FUZ: variants seen among roughly 807,000 people sequenced by gnomAD.
The protein encoded by FUZ is fuzzy planar cell polarity protein, also known as protein fuzzy homolog.
FUZ carries 31 observed loss-of-function variants against 43.1 expected under a neutral mutation model. The observed-to-expected ratio is 0.72, with a 90% CI of 0.54 to 0.97. The LOEUF (loss-of-function observed/expected upper bound fraction) is 0.97. Among genes scored for constraint, FUZ ranks in the 50% least tolerant of loss-of-function variants. The probability of loss-of-function intolerance (pLI) is 0.00; values close to 1 mark genes in which losing one functional copy is unlikely to be tolerated. For synonymous variants in FUZ, 274 were observed against 250.0 expected (o/e 1.10, Z -0.91); for missense variants, 539 against 543.8 (o/e 0.99, Z 0.09).
chr19:49,809,419 C>A lies in FUZ; in HGVS notation c.649G>T (p.Ala217Ser), dbSNP rs1291506032. ...WLVGSLPPQT[A>S]RDYPVYLPHG... Reference sequence around the variant, plus strand: ...GGCAGGTACACCGGGTAGTCGCGAGCGGTCTGCGGCGGCAGGGACCCCACC... The same window carrying A: ...GGCAGGTACACCGGGTAGTCGCGAGAGGTCTGCGGCGGCAGGGACCCCACC... The change falls in exon 6 of 11, where the codon GCT becomes TCT. Residue 217 changes from alanine (A) to serine (S), a missense_variant. Coordinates refer to ENST00000313777, the MANE Select transcript of FUZ (RefSeq NM_025129.5). The surrounding 1 kb of genome is among the most constrained non-coding windows in gnomAD (Gnocchi z 5.1). The A allele has an allele frequency of 3.2e-6, 5 of 1,543,112 alleles. No individual in the cohort carries two copies. The highest frequency in any genetic ancestry group is 4.4e-6 in the Non-Finnish European group (5 of 1,146,976).
Position 49,809,754 on chromosome 19 carries a change from C to T in FUZ, c.493-179G>A. 1.1e-5 allele frequency: 7 copies of T among 654,392 alleles called. No homozygotes were observed. In the South Asian group the frequency reaches 1.2e-4, roughly 12 times the overall value. 40.5% of individuals were successfully genotyped at this position (654,392 alleles called of 1,614,324 possible). A position where few individuals can be genotyped will look rare whatever the true frequency, so the allele number is the denominator to read the frequency against. ...GTTCCTTCACTTTCATACGAAGTCA[C>T]ATCCCCAACTCACACTGTGAAGTCT... On this transcript the variant is annotated intron_variant, in intron 5 of 10. Coordinates refer to ENST00000313777, the MANE Select transcript of FUZ (RefSeq NM_025129.5). This position sits in a 1 kb window ranked among gnomAD's most constrained non-coding sequence, Gnocchi z 5.1.
At chr19:49,811,222 A>C in intron 5 of FUZ, 141 bp downstream of exon 5, 1 of 700,190 alleles carries the variant, frequency 1.4e-6, no homozygotes. Context: ...AAGAAAAAAG[A>C]TTCTTCTGGG....
chr19:49,811,207 AAAAAAAG>A (rs1009538929), intron 5 of FUZ, 149 bp downstream of exon 5: 6 of 691,512 alleles, frequency 8.7e-6, no homozygotes, highest in African/African-American at 7.2e-5. Flanking sequence ...AAAAGAAAAA[AAAAAAAG>A]AAAAAAGATT....
chr19:49,813,100 C>T lies in FUZ; in HGVS notation c.7G>A (p.Glu3Lys). MG[E>K]EGTGGTVHLL... ...TGCACAGTGCCGCCCGTCCCCTCCTCCCCCATTTAGGACTCCCACCGCGGT... is the reference window on the plus strand; with the variant it reads ...TGCACAGTGCCGCCCGTCCCCTCCTTCCCCATTTAGGACTCCCACCGCGGT... Residue 3 changes from glutamate (E) to lysine (K), a missense_variant, in exon 1 of 11, where the codon GAG (glutamate) becomes AAG (lysine). Glu to Lys is a moderately conservative substitution (Grantham distance 56). Coordinates refer to ENST00000313777, the MANE Select transcript of FUZ (RefSeq NM_025129.5). The T allele has an allele frequency of 1.3e-6, 2 of 1,551,164 alleles. No homozygotes were observed. The highest frequency in any genetic ancestry group is 1.7e-6 in the Non-Finnish European group (2 of 1,146,814).
At position 49,812,718 on chromosome 19, in the gene FUZ, C is replaced by A. The variant is rs200152452; in HGVS notation, c.130G>T (p.Gly44Cys). 1.2e-6 allele frequency: 2 copies of A among 1,614,030 alleles called. No homozygotes were observed. The highest frequency in any genetic ancestry group is 1.7e-5 in the Admixed American group (1 of 60,020). Residue 44 changes from glycine to cysteine, a missense_variant, in exon 2 of 11, where the codon GGT becomes TGT. Transcript: ENST00000313777. ...ARQQLPFSVI[G>C]SLNGVHMFGQ... ...AACATGTGGACTCCATTGAGGGAACCGATGACAGAGAACGGGAGCTAAGGA... is the reference window on the plus strand; with the variant it reads ...AACATGTGGACTCCATTGAGGGAACAGATGACAGAGAACGGGAGCTAAGGA...
At chr19:49,810,747 G>C (rs1056102275) in intron 5 of FUZ, among the ~76,000 whole-genome samples, 1 of 151,938 alleles carries the variant, frequency 6.6e-6, no homozygotes, top group Non-Finnish European at 1.5e-5. Context: ...CTACTGGGGA[G>C]GCTGAGATGA....
intron 5 of FUZ, 178 bp downstream of exon 5, chr19:49,811,185 A>C: frequency 4.5e-6 from 3 of 668,874 alleles, no homozygotes; most frequent in South Asian, 3.4e-5. Context: ...AAAAAAGAAA[A>C]GAAAGAGAAA....
chr19:49,811,304 T>C, intron 5 of FUZ, 59 bp downstream of exon 5: 1 of 1,191,026 alleles, frequency 8.4e-7, no homozygotes. Context: ...AGAAAGAGGA[T>C]GAGGACTGAG....
chr19:49,808,978 C>T (rs2073598389), intron 7 of FUZ, 155 bp from the exon 8 acceptor site: 2 of 861,500 alleles, frequency 2.3e-6, no homozygotes, highest in South Asian at 1.4e-5. Flanking sequence ...GGGGAAGGGG[C>T]GAGGCCTGGA....
Position 49,808,544 on chromosome 19 carries a change from ACCCCTGCCCCTG to A in FUZ, c.958+18_958+29del. ...CGCCTCCCCGGCCCACGCCCCTCCT[ACCCCTGCCCCTG>A]CCCCTGTCCTCAGTCACCTTTATCC... On this transcript the variant is annotated intron_variant, in intron 9 of 10. Coordinates refer to ENST00000313777, the MANE Select transcript of FUZ (RefSeq NM_025129.5). The A allele has an allele frequency of 1.3e-6, 2 of 1,591,306 alleles. No homozygotes were observed. The highest frequency in any genetic ancestry group is 1.7e-6 in the Non-Finnish European group (2 of 1,169,004).
In FUZ at chr19:49,806,978, C is replaced by G. The variant is rs1212118149; in HGVS notation, c.*173G>C. On this transcript the variant is annotated 3_prime_UTR_variant, in exon 11 of 11. Coordinates refer to ENST00000313777, the MANE Select transcript of FUZ (RefSeq NM_025129.5). ...GAGTCCCCCTCCCTCCCTTTCCCCC[C>G]CAAGCACAGAGGGGAGAGGGGCCAG... The G allele has an allele frequency of 3.3e-6, 5 of 1,530,528 alleles. No individual in the cohort carries two copies. Among genetic ancestry groups the G allele is most frequent in the East Asian group, 4.9e-5 (2 of 40,740 alleles). The allele number at this position is 1,530,528 out of a possible 1,614,324, so 94.8% of individuals were successfully genotyped here.
rs531337412 is a variant in FUZ at position 49,811,153 on chromosome 19, A to G, written c.492+210T>C. ...GCAACAAGAGTGAAACTACGTCTCA[A>G]ATAAAAAGAGAGAAAGAAAAGAAAA... On this transcript the variant is annotated intron_variant, in intron 5 of 10. Transcript: ENST00000313777. 258 of 636,046 alleles carry G rather than the reference A, an allele frequency of 4.1e-4. 1 individual carries two copies. The South Asian group carries it at 4.2e-3, about 10-fold the overall frequency. The allele number at this position is 636,046 out of a possible 1,614,324, so 39.4% of individuals were successfully genotyped here.
rs1460611564 is a variant in FUZ at position 49,812,892 on chromosome 19, C to A, written c.111+104G>T. On this transcript the variant is annotated intron_variant, in intron 1 of 10. Coordinates refer to ENST00000313777, the MANE Select transcript of FUZ (RefSeq NM_025129.5). ...TTATTGGTCCATTGCCTCCTCGGTC[C>A]TACAAATTCAACACTGAAACTTCCC... 15 of 1,347,542 alleles carry A rather than the reference C, an allele frequency of 1.1e-5. 1 individual carries two copies. The South Asian group carries it at 1.8e-4, about 16-fold the overall frequency. The allele number at this position is 1,347,542 out of a possible 1,614,324, so 83.5% of individuals were successfully genotyped here. A position where few individuals can be genotyped will look rare whatever the true frequency, so the allele number is the denominator to read the frequency against.
At position 49,806,972 on chromosome 19, in the gene FUZ, T is replaced by C. The variant is rs1472154675; in HGVS notation, c.*179A>G. ...TAGGGGGAGTCCCCCTCCCTCCCTT[T>C]CCCCCCCAAGCACAGAGGGGAGAGG... On this transcript the variant is annotated 3_prime_UTR_variant, in exon 11 of 11. Coordinates refer to ENST00000313777, the MANE Select transcript of FUZ (RefSeq NM_025129.5). 23 of 1,530,450 alleles carry C rather than the reference T, an allele frequency of 1.5e-5. No individual in the cohort carries two copies. The highest frequency in any genetic ancestry group is 1.2e-4 in the Admixed American group (6 of 50,758). The allele number at this position is 1,530,450 out of a possible 1,614,324, so 94.8% of individuals were successfully genotyped here.
intron 2 of FUZ, 85 bp downstream of exon 2, chr19:49,812,530 T>G: frequency 6.3e-7 from 1 of 1,581,876 alleles, no homozygotes; most frequent in South Asian, 1.1e-5. Flanking sequence ...CAGCTGCTTT[T>G]AGAGAGCTGG....
At chr19:49,812,768 C>T in intron 1 of FUZ, 32 bp from the exon 2 acceptor site, 2 of 1,611,066 alleles carry the variant, frequency 1.2e-6, no homozygotes, top group Non-Finnish European at 8.5e-7. Flanking sequence ...CAGACAAGAG[C>T]ACCCCCCCAT....
rs2073833848 is a variant in FUZ, at chr19:49,812,353, GA to G, written c.234-19del. 1 of 1,607,542 alleles carries G rather than the reference GA, an allele frequency of 6.2e-7. No individual in the cohort carries two copies. On this transcript the variant is annotated intron_variant, in intron 2 of 10. Transcript: ENST00000313777. ...GGGTGATGCTGTGGAATGGAAGTGA[GA>G]AGAATGAGTCAAGGCCTGGGGAATC...
Position 49,809,789 on chromosome 19 carries a change from G to A in FUZ, c.493-214C>T, listed in dbSNP as rs144634493. 946 of 611,660 alleles carry A rather than the reference G, an allele frequency of 1.5e-3. 1 individual carries two copies. In the African/African-American group the frequency reaches 0.015, roughly 10 times the overall value. 37.9% of individuals were successfully genotyped at this position (611,660 alleles called of 1,614,324 possible). On this transcript the variant is annotated intron_variant, in intron 5 of 10. Transcript: ENST00000313777. The surrounding 1 kb of genome is among the most constrained non-coding windows in gnomAD (Gnocchi z 5.1). ...TCACACTGTGAAGTCTGTGAAATCT[G>A]ATTAAACATCTAGCCTGGGCGGGCA...
At position 49,807,137 on chromosome 19, in the gene FUZ, C is replaced by T; in HGVS notation, c.*14G>A. On this transcript the variant is annotated 3_prime_UTR_variant, in exon 11 of 11. Coordinates refer to ENST00000313777, the MANE Select transcript of FUZ (RefSeq NM_025129.5). ...ACAGCCCCATGTCTGTGTCCATCAC[C>T]CACTGCTAGGTAGTCAAAGAAGTGG... is the stretch of plus-strand genomic sequence containing the variant. 6.2e-7 allele frequency: 1 copy of T among 1,612,346 alleles called. No individual in the cohort carries two copies. Among genetic ancestry groups the T allele is most frequent in the South Asian group, 1.1e-5 (1 of 90,932 alleles).
Sources: allele counts gnomAD v4.1 joint callset (sites outside exome capture counted in the v4.1 genomes callset), GRCh38; gene constraint gnomAD v4.1.1; non-coding constraint Gnocchi (gnomAD v3.1); transcripts MANE v1.5; gene names NCBI Gene and HGNC (gene_info 2026-07-23, HGNC 2026-07-21).